Variants in COL9A3 observed in about 807,000 individuals in gnomAD.
COL9A3 encodes the protein collagen type IX alpha 3 chain, also known as collagen alpha-3(IX) chain.
A neutral mutation model predicts 110.2 loss-of-function variants in COL9A3; 82 were observed. The observed-to-expected ratio is 0.74, with a 90% CI of 0.62 to 0.89. The LOEUF (loss-of-function observed/expected upper bound fraction) is 0.89. COL9A3 is among the 40% of genes least tolerant of loss of function. The pLI is 0.00. For missense variants in COL9A3, 1,066 were observed against 981.3 expected, an observed-to-expected ratio of 1.09 and a Z score of -1.15; for synonymous variants, 494 against 403.8, an observed-to-expected ratio of 1.22 and a Z score of -2.68.
Position 62,826,781 on chromosome 20 carries a change from C to G in COL9A3, c.753C>G (p.Phe251Leu), listed in dbSNP as rs376779544. ...CTCCTCTGCAGGGTCCCATTGGGTTCCGAGGGCCGCCTGGGATCCCAGGAG... is the reference window on the plus strand; with the variant it reads ...CTCCTCTGCAGGGTCCCATTGGGTTGCGAGGGCCGCCTGGGATCCCAGGAG... ...GPPGDRGPIG[F>L]RGPPGIPGAP... Residue 251 changes from phenylalanine (F) to leucine (L), a missense_variant, in exon 15 of 32, where the codon TTC (phenylalanine) becomes TTG (leucine). Physicochemically the swap from Phe to Leu is conservative, Grantham distance 22 (BLOSUM62 0). Coordinates refer to ENST00000649368, the MANE Select transcript of COL9A3 (RefSeq NM_001853.4). The G allele has an allele frequency of 5.5e-5, 88 of 1,612,674 alleles. No homozygotes were observed. Among genetic ancestry groups the G allele is most frequent in the Non-Finnish European group, 6.9e-5 (82 of 1,179,952 alleles).
chr20:62,834,123 C>T (rs2063617677), intron 26 of COL9A3, among the ~76,000 whole-genome samples: 1 of 152,200 alleles, frequency 6.6e-6, no homozygotes, highest in Admixed American at 6.5e-5. Flanking sequence ...ATCTGCCCGC[C>T]TCGGCCTCCC....
rs760374672 is a variant in COL9A3 at position 62,827,263 on chromosome 20, C to T, written c.815C>T (p.Pro272Leu). Residue 272 changes from proline to leucine, a missense_variant, in exon 16 of 32, where the codon CCA becomes CTA. By Grantham distance (98) the Pro-to-Leu change is moderately conservative. Coordinates refer to ENST00000649368, the MANE Select transcript of COL9A3 (RefSeq NM_001853.4). Reference protein sequence around the residue: ...GKAGDRGERGPEGFRGPKGDL... With the variant: ...GKAGDRGERGLEGFRGPKGDL... Reference sequence around the variant, plus strand: ...CAGGGTGACCGAGGCGAGAGGGGCCCAGAAGGGTTCCGCGGCCCCAAGGGT... The same window carrying T: ...CAGGGTGACCGAGGCGAGAGGGGCCTAGAAGGGTTCCGCGGCCCCAAGGGT... The T allele has an allele frequency of 3.7e-6, 6 of 1,613,256 alleles. No homozygotes were observed. The highest frequency in any genetic ancestry group is 1.7e-5 in the Admixed American group (1 of 60,020).
chr20:62,821,860 AC>A, intron 8 of COL9A3, 50 bp downstream of exon 8: 2 of 1,064,108 alleles, frequency 1.9e-6, no homozygotes, highest in Non-Finnish European at 2.9e-6. Context: ...TGTGGCCTCC[AC>A]CCCCAGACTC....
At position 62,826,242 on chromosome 20, in the gene COL9A3, GC is replaced by G; in HGVS notation, c.728del (p.Pro243LeufsTer290). ...TACGAGGACTGCCAGGGCCACTCGG[GC>G]CCCCTGGGGACCGGGTAAGTCCTGC... ...GLRGLPGPLGPPGDRGPIGFR... is the reference protein window; with the variant it reads ...GLRGLPGPLGXPGDRGPIGFR... On this transcript the variant is annotated frameshift_variant, in exon 14 of 32. Transcript: ENST00000649368. LOFTEE classifies it high-confidence loss of function. The G allele has an allele frequency of 1.9e-6, 3 of 1,554,912 alleles. No individual in the cohort carries two copies. Among genetic ancestry groups the G allele is most frequent in the Admixed American group, 1.9e-5 (1 of 51,940 alleles).
In COL9A3 at chr20:62,833,005, G is replaced by T. The variant is rs372005334; in HGVS notation, c.1324-15G>T. The T allele has an allele frequency of 6.8e-6, 11 of 1,613,322 alleles. No homozygotes were observed. The East Asian group carries it at 1.1e-4, about 16-fold the overall frequency. The stretch of plus-strand genomic sequence containing the variant: ...CATGAACAGCTCTTTTAACTTTGGG[G>T]TGTATCGTTTTCAGGGTATTGCAGG... On this transcript the variant is annotated splice_polypyrimidine_tract_variant and intron_variant, in intron 25 of 31. Transcript: ENST00000649368.
At chr20:62,836,455 C>T (rs183481495) in intron 28 of COL9A3, 23 bp from the exon 29 acceptor site, 173 of 1,613,630 alleles carry the variant, frequency 1.1e-4, no homozygotes, top group East Asian at 1.0e-3. Context: ...CCCATGCTGA[C>T]GAATGTGTGG....
chr20:62,823,367 G>A (rs1249549669), intron 10 of COL9A3, among the ~76,000 whole-genome samples: 2 of 152,184 alleles, frequency 1.3e-5, no homozygotes, highest in East Asian at 1.9e-4. Context: ...AATGGGCTTC[G>A]GAGGCCACGG....
At chr20:62,826,905 A>G (rs1364179903) in intron 15 of COL9A3, 85 bp downstream of exon 15, 1 of 1,477,394 alleles carries the variant, frequency 6.8e-7, no homozygotes, top group Non-Finnish European at 9.2e-7. Context: ...CCCCAGCCCC[A>G]CTGGGGCCCC....
chr20:62,828,088 T>G (rs2063568874), intron 17 of COL9A3, 112 bp downstream of exon 17: 1 of 1,135,418 alleles, frequency 8.8e-7, no homozygotes, highest in Non-Finnish European at 1.3e-6. Flanking sequence ...GTGGCCATCT[T>G]GAAATCTGGG....
chr20:62,817,091 G>T lies in COL9A3; in HGVS notation c.27G>T (p.Pro9=), dbSNP rs1251968938. Residue 9 remains proline, a synonymous_variant, in exon 1 of 32, where the codon CCG becomes CCT. Transcript: ENST00000649368. Reference sequence around the variant, plus strand: ...TGGCCGGGCCGCGCGCGTGCGCCCCGCTCCTGCTCCTGCTCCTGCTCGGGG... The same window carrying T: ...TGGCCGGGCCGCGCGCGTGCGCCCCTCTCCTGCTCCTGCTCCTGCTCGGGG... MAGPRACA[P]LLLLLLLGEL... The T allele has an allele frequency of 1.9e-5, 26 of 1,386,596 alleles. No individual in the cohort carries two copies. The highest frequency in any genetic ancestry group is 2.2e-5 in the Non-Finnish European group (23 of 1,063,822). The allele number at this position is 1,386,596 out of a possible 1,614,324, so 85.9% of individuals were successfully genotyped here.
chr20:62,840,653 C>G lies in COL9A3; in HGVS notation c.1976C>G (p.Pro659Arg), dbSNP rs772818200. 3.1e-6 allele frequency: 5 copies of G among 1,608,518 alleles called. No individual in the cohort carries two copies. Among genetic ancestry groups the G allele is most frequent in the African/African-American group, 1.3e-5 (1 of 74,874 alleles). Residue 659 changes from proline (P) to arginine (R), a missense_variant, in exon 32 of 32, where the codon CCG becomes CGG. By Grantham distance (103) the Pro-to-Arg change is moderately radical (BLOSUM62 -2). Coordinates refer to ENST00000649368, the MANE Select transcript of COL9A3 (RefSeq NM_001853.4). Reference sequence around the variant, plus strand: ...GGTGCCATTGGGGCCCAGGGGACACCGGGGATCTGCGACACCTCAGCCTGC... The same window carrying G: ...GGTGCCATTGGGGCCCAGGGGACACGGGGGATCTGCGACACCTCAGCCTGC... ...LPGAIGAQGTPGICDTSACQG... is the reference protein window; with the variant it reads ...LPGAIGAQGTRGICDTSACQG...
Position 62,819,926 on chromosome 20 carries a change from C to T in COL9A3, c.256-3C>T. The T allele has an allele frequency of 6.2e-7, 1 of 1,612,930 alleles. No homozygotes were observed. The highest frequency in any genetic ancestry group is 8.5e-7 in the Non-Finnish European group (1 of 1,179,996). ...CTCGAGCTCGCCCTCTGCCTCTCCC[C>T]AGGGTCTGACTGGACGAGATGGACC... is the stretch of plus-strand genomic sequence containing the variant. On this transcript the variant is annotated splice_region_variant and splice_polypyrimidine_tract_variant and intron_variant, in intron 4 of 31. Transcript: ENST00000649368.
At chr20:62,820,602 A>G (rs1469515481) in intron 5 of COL9A3, among the ~76,000 whole-genome samples, 2 of 152,172 alleles carry the variant, frequency 1.3e-5, no homozygotes, top group Non-Finnish European at 2.9e-5. Flanking sequence ...CATGAGGCGG[A>G]TTCTGAGCTG....
chr20:62,822,482 C>T, intron 9 of COL9A3, 109 bp from the exon 10 acceptor site: 1 of 1,021,522 alleles, frequency 9.8e-7, no homozygotes, highest in African/African-American at 1.9e-5. Context: ...CTCCAAGTCC[C>T]CTGGTGGATG....
chr20:62,835,083 G>A (rs1318746932), intron 26 of COL9A3, among the ~76,000 whole-genome samples: 3 of 152,234 alleles, frequency 2.0e-5, no homozygotes, highest in South Asian at 4.1e-4. Flanking sequence ...CTACTCGCAC[G>A]GTCGGGCTGT....
intron 3 of COL9A3, 94 bp from the exon 4 acceptor site, chr20:62,819,128 T>TG (rs1991033482): frequency 2.4e-6 from 3 of 1,254,684 alleles, no homozygotes; most frequent in Non-Finnish European, 3.5e-6. Context: ...ATGGTTGGGC[T>TG]GGGGGGAAGT....
chr20:62,836,652 T>G (rs1237318123), intron 29 of COL9A3, 120 bp downstream of exon 29: 42 of 1,090,306 alleles, frequency 3.9e-5, no homozygotes, highest in Non-Finnish European at 5.2e-5. Flanking sequence ...CCCCTAGCAC[T>G]CACCCCGCCT....
In COL9A3 at chr20:62,821,807, C is replaced by T; in HGVS notation, c.420C>T (p.Pro140=). 1 of 1,599,564 alleles carries T rather than the reference C, an allele frequency of 6.3e-7. No individual in the cohort carries two copies. The change falls in exon 8 of 32, where the codon CCC becomes CCT. Residue 140 remains proline (P), a synonymous_variant. Transcript: ENST00000649368. ...GPPGGIGLRG[P]PGPSGLPGLP... ...CAGGTGGGATCGGCCTCCGCGGCCCCCCGGTGAGTGGCTGTCCCAGAGCCC... is the reference window on the plus strand; with the variant it reads ...CAGGTGGGATCGGCCTCCGCGGCCCTCCGGTGAGTGGCTGTCCCAGAGCCC...
intron 2 of COL9A3, among the ~76,000 whole-genome samples, chr20:62,818,256 C>A (rs1387016504): frequency 6.6e-6 from 1 of 152,194 alleles, no homozygotes; most frequent in African/African-American, 2.4e-5. Flanking sequence ...CCCCCCATGA[C>A]CCACCCTCTG....
Sources: gnomAD v4.1 joint callset for allele counts (sites outside exome capture counted in the v4.1 genomes callset) on GRCh38, gnomAD v4.1.1 for gene constraint, MANE v1.5 for transcripts, NCBI Gene and HGNC (gene_info 2026-07-23, HGNC 2026-07-21) for gene names.